The following DDX10 variants were observed in gnomAD, a reference collection of about 807,000 sequenced individuals.
The protein encoded by DDX10 is probable ATP-dependent RNA helicase DDX10.
A neutral mutation model predicts 104.3 loss-of-function variants in DDX10; 74 were observed. The ratio of observed to expected loss-of-function variants is 0.71; its 90% CI spans 0.59 to 0.86. DDX10 has a LOEUF of 0.86. Ranked by LOEUF, DDX10 falls within the 40% of genes least tolerant of loss-of-function variation. The pLI, the probability that DDX10 is intolerant of heterozygous loss-of-function variation, is 0.00. For missense variants in DDX10, 952 were observed against 1,040.0 expected, an observed-to-expected ratio of 0.92 and a Z score of 1.16; for synonymous variants, 351 against 353.4, an observed-to-expected ratio of 0.99 and a Z score of 0.08.
chr11:108,762,106 T>C (rs749652827), intron 13 of DDX10, among the ~76,000 whole-genome samples: 41 of 152,290 alleles, frequency 2.7e-4, no homozygotes, highest in Non-Finnish European at 4.9e-4. Flanking sequence ...CTAGATCTCT[T>C]AACTCCCTTC....
rs541022714 is a variant in DDX10, at chr11:108,709,421, G to A, written c.1322+2584G>A. ...ATGGGCGAGCCCATCCGGGCTTGGTGATTTCTGTTTTGGAAGGTTATGAAT... is the reference window on the plus strand; with the variant it reads ...ATGGGCGAGCCCATCCGGGCTTGGTAATTTCTGTTTTGGAAGGTTATGAAT... On this transcript the variant is annotated intron_variant, in intron 10 of 17. Coordinates refer to ENST00000322536, the MANE Select transcript of DDX10 (RefSeq NM_004398.4). 2.0e-5 allele frequency among the ~76,000 whole-genome samples: 3 copies of A among 152,362 alleles called. No homozygotes were observed. The South Asian group carries it at 6.2e-4, about 32-fold the overall frequency.
At chr11:108,916,422 C>G (rs1174909417) in intron 16 of DDX10, among the ~76,000 whole-genome samples, 3 of 151,974 alleles carry the variant, frequency 2.0e-5, no homozygotes, top group Admixed American at 6.6e-5. Flanking sequence ...TTACCAAGGA[C>G]TCTCACCAGG....
intron 17 of DDX10, among the ~76,000 whole-genome samples, chr11:108,930,786 T>C (rs1009901891): frequency 1.1e-4 from 16 of 152,216 alleles, no homozygotes; most frequent in Non-Finnish European, 2.4e-4. Context: ...ATTTTGGTTA[T>C]ATGCTGGATT....
chr11:108,882,226 A>AT (rs1863236501), intron 16 of DDX10, among the ~76,000 whole-genome samples: 3 of 152,234 alleles, frequency 2.0e-5, no homozygotes, highest in Non-Finnish European at 4.4e-5. Flanking sequence ...TTCCTATACC[A>AT]TAAAACCTAC....
chr11:108,668,843 G>A (rs2094213439), intron 1 of DDX10, among the ~76,000 whole-genome samples: 2 of 152,152 alleles, frequency 1.3e-5, no homozygotes, highest in Admixed American at 6.5e-5. Flanking sequence ...GTACCTCAGT[G>A]CTGTGGAGTT....
At chr11:108,872,827 C>CG (rs1591104952) in intron 16 of DDX10, among the ~76,000 whole-genome samples, 1 of 150,276 alleles carries the variant, frequency 6.7e-6, no homozygotes, top group South Asian at 2.2e-4. Context: ...CGTTCCCCCC[C>CG]CCTCCCATTT....
chr11:108,828,103 CATAAT>C (rs1163071394), intron 13 of DDX10, among the ~76,000 whole-genome samples: 1 of 152,124 alleles, frequency 6.6e-6, no homozygotes, highest in African/African-American at 2.4e-5. Flanking sequence ...ATTTCACAAA[CATAAT>C]ATATTTGCTA....
intron 13 of DDX10, among the ~76,000 whole-genome samples, chr11:108,798,903 T>C (rs1249157697): frequency 2.0e-5 from 3 of 152,146 alleles, no homozygotes; most frequent in African/African-American, 7.2e-5. Context: ...GTAATGTAAA[T>C]ATTGTTTGAA....
chr11:108,699,159 G>C (rs867336668), intron 9 of DDX10, among the ~76,000 whole-genome samples: 5 of 148,840 alleles, frequency 3.4e-5, no homozygotes, highest in Non-Finnish European at 6.0e-5. Context: ...AACAGGACCT[G>C]ACATGTAGTA....
chr11:108,702,060 C>G (rs1241353043), intron 9 of DDX10, among the ~76,000 whole-genome samples: 4 of 151,378 alleles, frequency 2.6e-5, no homozygotes, highest in Non-Finnish European at 4.4e-5. Context: ...TTTAGGGACA[C>G]ATGACACATG....
At chr11:108,687,059 A>G (rs2094245254) in intron 6 of DDX10, among the ~76,000 whole-genome samples, 1 of 152,174 alleles carries the variant, frequency 6.6e-6, no homozygotes, top group African/African-American at 2.4e-5. Flanking sequence ...TGCTGGGATT[A>G]CAGGCATGAG....
chr11:108,744,693 C>T (rs915796267), intron 13 of DDX10, among the ~76,000 whole-genome samples: 1 of 152,082 alleles, frequency 6.6e-6, no homozygotes, highest in Non-Finnish European at 1.5e-5. Flanking sequence ...TGTCAGCCTT[C>T]AATAAACTTA....
In DDX10 at chr11:108,917,935, A is replaced by C; in HGVS notation, c.2367A>C (p.Gly789=). The change falls in exon 17 of 18, where the codon GGA becomes GGC. Residue 789 remains glycine, a synonymous_variant. Coordinates refer to ENST00000322536, the MANE Select transcript of DDX10 (RefSeq NM_004398.4). Reference sequence around the variant, plus strand: ...ATGATGATGATGATGATGATGATGGATTTGATCCAAGCACACTCCCAGATC... The same window carrying C: ...ATGATGATGATGATGATGATGATGGCTTTGATCCAAGCACACTCCCAGATC... The part of the protein sequence containing the change: ...WSDDDDDDDD[G]FDPSTLPDPD... 1.2e-6 allele frequency: 2 copies of C among 1,606,124 alleles called. No homozygotes were observed. The highest frequency in any genetic ancestry group is 2.2e-5 in the South Asian group (2 of 89,956).
At chr11:108,769,136 A>G (rs1449399653) in intron 13 of DDX10, among the ~76,000 whole-genome samples, 5 of 151,190 alleles carry the variant, frequency 3.3e-5, no homozygotes, top group Non-Finnish European at 7.4e-5. Flanking sequence ...ATTGGGATTC[A>G]TATTTCCTGT....
chr11:108,883,515 ATCT>A (rs959365043), intron 16 of DDX10, among the ~76,000 whole-genome samples: 1 of 151,986 alleles, frequency 6.6e-6, no homozygotes, highest in African/African-American at 2.4e-5. Context: ...TCTTTACCAG[ATCT>A]TCTTATTAGT....
At chr11:108,709,330 T>A (rs1381639423) in intron 10 of DDX10, among the ~76,000 whole-genome samples, 1 of 152,264 alleles carries the variant, frequency 6.6e-6, no homozygotes, top group Admixed American at 6.5e-5. Context: ...GTATTCCCTC[T>A]GACTCTGTCT....
chr11:108,750,611 A>C (rs1046645485), intron 13 of DDX10, among the ~76,000 whole-genome samples: 1 of 152,062 alleles, frequency 6.6e-6, no homozygotes, highest in African/African-American at 2.4e-5. Context: ...ACATTGGATT[A>C]GTTGGTACCA....
rs978895027 is a variant in DDX10, at chr11:108,691,817, G to T, written c.976-59G>T. 4 of 1,509,822 alleles carry T rather than the reference G, an allele frequency of 2.6e-6. No homozygotes were observed. The African/African-American group carries it at 5.6e-5, about 21-fold the overall frequency. The allele number at this position is 1,509,822 out of a possible 1,614,324, so 93.5% of individuals were successfully genotyped here. A position where few individuals can be genotyped will look rare whatever the true frequency, so the allele number is the denominator to read the frequency against. On this transcript the variant is annotated intron_variant, in intron 7 of 17. Transcript: ENST00000322536. ...GACTCTGTGGGATACGTTGATAAGA[G>T]AAAAGCTTTATTGCTGCCATCTGCC...
intron 13 of DDX10, among the ~76,000 whole-genome samples, chr11:108,833,946 A>T (rs772595635): frequency 6.6e-6 from 1 of 151,876 alleles, no homozygotes; most frequent in Non-Finnish European, 1.5e-5. Flanking sequence ...CTTTTACTGT[A>T]TTTCTCTCTG....
Sources: allele counts gnomAD v4.1 joint callset (sites outside exome capture counted in the v4.1 genomes callset), GRCh38; gene constraint gnomAD v4.1.1; transcripts MANE v1.5; gene names NCBI Gene and HGNC (gene_info 2026-07-23, HGNC 2026-07-21).